Variants in KCNH7 observed in about 807,000 individuals in gnomAD.
KCNH7 encodes voltage-gated inwardly rectifying potassium channel KCNH7.
A neutral mutation model predicts 120.8 loss-of-function variants in KCNH7; 49 were observed. The observed-to-expected ratio is 0.41, with a 90% CI of 0.32 to 0.51. KCNH7 has a LOEUF of 0.51. KCNH7 is among the 20% of genes least tolerant of loss of function. KCNH7 has a pLI of 0.38. For missense variants in KCNH7, 1,097 were observed against 1,446.6 expected, an observed-to-expected ratio of 0.76 and a Z score of 3.92; for synonymous variants, 547 against 516.1, an observed-to-expected ratio of 1.06 and a Z score of -0.81.
chr2:162,757,151 T>A (rs1276975647), intron 2 of KCNH7, among the ~76,000 whole-genome samples: 1 of 152,210 alleles, frequency 6.6e-6, no homozygotes, highest in African/African-American at 2.4e-5. Flanking sequence ...TTTATTTGAA[T>A]CTGTAAAGCT....
intron 13 of KCNH7, 103 bp downstream of exon 13, chr2:162,384,585 A>T: frequency 8.9e-7 from 1 of 1,119,496 alleles, no homozygotes; most frequent in East Asian, 2.4e-5. Context: ...GAAGTTGAGA[A>T]CAATTAGATT....
chr2:162,373,752 A>G, intron 14 of KCNH7, 90 bp from the exon 15 acceptor site: 2 of 793,334 alleles, frequency 2.5e-6, no homozygotes, highest in Non-Finnish European at 3.6e-6. Flanking sequence ...ACCAAGAAAC[A>G]GAATTATGGC....
chr2:162,556,977 T>G (rs1400968854), intron 2 of KCNH7, among the ~76,000 whole-genome samples: 1 of 152,234 alleles, frequency 6.6e-6, no homozygotes, highest in Non-Finnish European at 1.5e-5. Flanking sequence ...GCAGATCAGT[T>G]GGTGTTCTGG....
At chr2:162,642,087 A>T (rs1302557825) in intron 2 of KCNH7, among the ~76,000 whole-genome samples, 1 of 152,172 alleles carries the variant, frequency 6.6e-6, no homozygotes, top group Non-Finnish European at 1.5e-5. Flanking sequence ...AAATTCCAAT[A>T]GATAAGTATA....
chr2:162,516,610 G>A (rs1385561621), intron 4 of KCNH7, among the ~76,000 whole-genome samples: 1 of 151,724 alleles, frequency 6.6e-6, no homozygotes, highest in Non-Finnish European at 1.5e-5. Flanking sequence ...GACAAAACTA[G>A]CAGTAGCCTG....
chr2:162,525,113 C>T (rs759360932), intron 3 of KCNH7, among the ~76,000 whole-genome samples: 10 of 151,934 alleles, frequency 6.6e-5, no homozygotes, highest in African/African-American at 1.9e-4. Flanking sequence ...AGGAGCAGAT[C>T]CGATCGGTAA....
intron 6 of KCNH7, among the ~76,000 whole-genome samples, chr2:162,480,519 C>A (rs1222793991): frequency 6.6e-6 from 1 of 152,138 alleles, no homozygotes; most frequent in Non-Finnish European, 1.5e-5. Context: ...CAATAAAATT[C>A]ATTTGAGTTA....
At position 162,661,100 on chromosome 2, in the gene KCNH7, A is replaced by T. The variant is rs565605879; in HGVS notation, c.308-124020T>A. On this transcript the variant is annotated intron_variant, in intron 2 of 15. Transcript: ENST00000332142. Reference sequence around the variant, plus strand: ...TTCAAAATGTTTTGAAGAATGATACATTCCAATGCAAGATTCAATGTGACA... The same window carrying T: ...TTCAAAATGTTTTGAAGAATGATACTTTCCAATGCAAGATTCAATGTGACA... 7.5e-4 allele frequency among the ~76,000 whole-genome samples: 114 copies of T among 152,352 alleles called. 2 individuals are homozygous for T. Among genetic ancestry groups the T allele is most frequent in the African/African-American group, 2.4e-3 (100 of 41,592 alleles).
chr2:162,663,262 A>G (rs2105282052), intron 2 of KCNH7, among the ~76,000 whole-genome samples: 1 of 152,332 alleles, frequency 6.6e-6, no homozygotes, highest in Admixed American at 6.5e-5. Flanking sequence ...AAGACACTGT[A>G]TCCTGTAATA....
At chr2:162,431,907 A>G (rs1688083014) in intron 8 of KCNH7, among the ~76,000 whole-genome samples, 1 of 151,894 alleles carries the variant, frequency 6.6e-6, no homozygotes, top group Non-Finnish European at 1.5e-5. Flanking sequence ...GTGTAGAGCA[A>G]GTAAAGAACT....
At chr2:162,615,535 G>C (rs1373985199) in intron 2 of KCNH7, among the ~76,000 whole-genome samples, 2 of 152,056 alleles carry the variant, frequency 1.3e-5, no homozygotes, top group Admixed American at 1.3e-4. Flanking sequence ...AAATTTATTA[G>C]GGTTCTCAAA....
At chr2:162,827,088 T>C (rs967954740) in intron 2 of KCNH7, among the ~76,000 whole-genome samples, 1 of 152,022 alleles carries the variant, frequency 6.6e-6, no homozygotes, top group Non-Finnish European at 1.5e-5. Flanking sequence ...AATAAGATAG[T>C]AGGCTGTGTA....
intron 2 of KCNH7, among the ~76,000 whole-genome samples, chr2:162,798,952 TCAC>T (rs1684244130): frequency 6.6e-6 from 1 of 151,974 alleles, no homozygotes; most frequent in Non-Finnish European, 1.5e-5. Flanking sequence ...CAGTGTCATC[TCAC>T]ATACTGTACA....
intron 2 of KCNH7, among the ~76,000 whole-genome samples, chr2:162,613,262 A>T (rs1044921014): frequency 6.6e-6 from 1 of 152,170 alleles, no homozygotes; most frequent in East Asian, 1.9e-4. Context: ...AAAAGACTAT[A>T]ATTAGAGTGA....
chr2:162,631,535 T>C (rs934762053), intron 2 of KCNH7, among the ~76,000 whole-genome samples: 1 of 152,134 alleles, frequency 6.6e-6, no homozygotes, highest in African/African-American at 2.4e-5. Context: ...TTTTAACTTA[T>C]AAGATTTTGT....
At chr2:162,593,329 A>C (rs1023405022) in intron 2 of KCNH7, among the ~76,000 whole-genome samples, 11 of 152,102 alleles carry the variant, frequency 7.2e-5, no homozygotes, top group African/African-American at 2.2e-4. Flanking sequence ...TAATATAGGC[A>C]GACAGAAGTG....
intron 2 of KCNH7, among the ~76,000 whole-genome samples, chr2:162,640,338 TG>T (rs1299254945): frequency 6.6e-6 from 1 of 152,094 alleles, no homozygotes; most frequent in Non-Finnish European, 1.5e-5. Context: ...ATGTTATTAG[TG>T]GAAGCATAGA....
chr2:162,471,070 C>A (rs1689507448), intron 6 of KCNH7, among the ~76,000 whole-genome samples: 1 of 151,916 alleles, frequency 6.6e-6, no homozygotes, highest in Non-Finnish European at 1.5e-5. Flanking sequence ...GAGTCATCAC[C>A]ACTCCCTAAT....
At chr2:162,830,032 C>T (rs753525079) in intron 2 of KCNH7, among the ~76,000 whole-genome samples, 8 of 151,918 alleles carry the variant, frequency 5.3e-5, no homozygotes, top group Admixed American at 2.0e-4. Flanking sequence ...TACAATAATG[C>T]GTAATAACAA....
Sources: allele counts gnomAD v4.1 joint callset (sites outside exome capture counted in the v4.1 genomes callset), GRCh38; gene constraint gnomAD v4.1.1; transcripts MANE v1.5; gene names NCBI Gene and HGNC (gene_info 2026-07-23, HGNC 2026-07-21).